The following ABAT variants were observed in gnomAD, a reference collection of about 807,000 sequenced individuals.
ABAT encodes the protein 4-aminobutyrate aminotransferase, mitochondrial.
ABAT carries 45 observed loss-of-function variants against 64.6 expected under a neutral mutation model. The ratio of observed to expected loss-of-function variants is 0.70; its 90% CI spans 0.55 to 0.89. The LOEUF (loss-of-function observed/expected upper bound fraction) is 0.89, where lower values mean the gene tolerates loss of function less well. Among genes scored for constraint, ABAT ranks in the 40% least tolerant of loss-of-function variants. The probability of loss-of-function intolerance (pLI) is 0.00; values close to 1 mark genes in which losing one functional copy is unlikely to be tolerated. For missense variants in ABAT, 633 were observed against 658.4 expected, an observed-to-expected ratio of 0.96 and a Z score of 0.42; for synonymous variants, 297 against 250.5, an observed-to-expected ratio of 1.19 and a Z score of -1.75.
chr16:8,753,730 G>A (rs886844184), intron 5 of ABAT, among the ~76,000 whole-genome samples: 1 of 152,138 alleles, frequency 6.6e-6, no homozygotes, highest in Non-Finnish European at 1.5e-5. Context: ...TTTCAGTCTT[G>A]GGGCCAGCGT....
At chr16:8,779,251 T>G (rs1158972587) in intron 14 of ABAT, among the ~76,000 whole-genome samples, 3 of 151,084 alleles carry the variant, frequency 2.0e-5, no homozygotes, top group African/African-American at 7.3e-5. Flanking sequence ...TTGTTGTTGC[T>G]GGTGGTGGTG....
chr16:8,748,236 T>C, intron 4 of ABAT, 99 bp downstream of exon 4: 3 of 1,169,946 alleles, frequency 2.6e-6, no homozygotes, highest in Non-Finnish European at 2.5e-6. Context: ...TTAAAAAAAA[T>C]GTAGTTGACT....
chr16:8,742,652 C>A (rs773778201), intron 2 of ABAT, among the ~76,000 whole-genome samples: 36 of 152,018 alleles, frequency 2.4e-4, no homozygotes, highest in Non-Finnish European at 4.9e-4. Context: ...ATTGCCTGAG[C>A]TCAGGAGTTC....
rs573212294 is a variant in ABAT, at chr16:8,720,376, G to A, written c.-41-15323G>A. Among the ~76,000 whole-genome samples, 21 of 152,310 alleles carry A rather than the reference G, an allele frequency of 1.4e-4. No homozygotes were observed. The South Asian group carries it at 3.5e-3, about 26-fold the overall frequency. On this transcript the variant is annotated intron_variant, in intron 1 of 15. Transcript: ENST00000268251. Reference sequence around the variant, plus strand: ...TGTTACTTTCCCCACATCATTCTCAGTCTTTCTTAGGAATGGACATTTGCC... The same window carrying A: ...TGTTACTTTCCCCACATCATTCTCAATCTTTCTTAGGAATGGACATTTGCC...
At chr16:8,689,062 A>G (rs547244143) in intron 1 of ABAT, among the ~76,000 whole-genome samples, 1 of 150,680 alleles carries the variant, frequency 6.6e-6, no homozygotes, top group African/African-American at 2.4e-5. Flanking sequence ...CCTGGGTGAT[A>G]GAGTGAGACC....
At chr16:8,752,749 CAGTGCAAG>C (rs1170597748) in intron 5 of ABAT, among the ~76,000 whole-genome samples, 1 of 152,148 alleles carries the variant, frequency 6.6e-6, no homozygotes, top group Non-Finnish European at 1.5e-5. Flanking sequence ...CCTGAGGCAA[CAGTGCAAG>C]ACCCTGTCTC....
intron 1 of ABAT, among the ~76,000 whole-genome samples, chr16:8,710,661 G>C (rs972929842): frequency 7.3e-6 from 1 of 136,508 alleles, no homozygotes; most frequent in African/African-American, 2.6e-5. Context: ...GATCACTTGA[G>C]TCCAGGAGGT....
Position 8,735,775 on chromosome 16 carries a change from C to T in ABAT, c.36C>T (p.Cys12=). ...ASMLLAQRLA[C]SFQHSYRLLV... ...TGTTGCTCGCCCAGCGCCTGGCCTG[C>T]AGCTTCCAGCACAGCTACCGCCTGC... Residue 12 remains cysteine, a synonymous_variant, in exon 2 of 16, where the codon TGC becomes TGT. Coordinates refer to ENST00000268251, the MANE Select transcript of ABAT (RefSeq NM_020686.6). 5 of 1,607,742 alleles carry T rather than the reference C, an allele frequency of 3.1e-6. No individual in the cohort carries two copies. The highest frequency in any genetic ancestry group is 4.2e-6 in the Non-Finnish European group (5 of 1,177,482).
At chr16:8,777,318 T>C (rs1056578448) in intron 14 of ABAT, among the ~76,000 whole-genome samples, 1 of 152,008 alleles carries the variant, frequency 6.6e-6, no homozygotes, top group African/African-American at 2.4e-5. Flanking sequence ...ACCTGTTGCA[T>C]ACTTACCACT....
chr16:8,781,145 TG>T lies in ABAT; in HGVS notation c.1382-161del. On this transcript the variant is annotated intron_variant, in intron 15 of 15. Transcript: ENST00000268251. This position sits in a 1 kb window ranked among gnomAD's most constrained non-coding sequence, Gnocchi z 4.5. ...AGAGAGAAAGGAAATGAAGACTGGA[TG>T]GGTGGGTGGTAGGAAGGAAGCCCGG... 1.0e-6 allele frequency: 1 copy of T among 964,912 alleles called. No homozygotes were observed. Among genetic ancestry groups the T allele is most frequent in the Non-Finnish European group, 1.7e-6 (1 of 598,028 alleles). 59.8% of individuals were successfully genotyped at this position (964,912 alleles called of 1,614,324 possible).
In ABAT at chr16:8,686,107, C is replaced by A. The variant is rs1175388924; in HGVS notation, c.-42+11396C>A. ...CAGCCAAAAGAGCAAGGCACCACCC[C>A]GGCAGGACAGGGCTGTTTTGTGCAC... On this transcript the variant is annotated intron_variant, in intron 1 of 15. Transcript: ENST00000268251. 5.3e-5 allele frequency among the ~76,000 whole-genome samples: 8 copies of A among 152,256 alleles called. No homozygotes were observed. In the East Asian group the frequency reaches 1.5e-3, roughly 29 times the overall value.
At chr16:8,721,113 C>T (rs2058356808) in intron 1 of ABAT, among the ~76,000 whole-genome samples, 1 of 152,138 alleles carries the variant, frequency 6.6e-6, no homozygotes, top group Non-Finnish European at 1.5e-5. Flanking sequence ...GGCACAGAGA[C>T]GTTACTTAAT....
intron 15 of ABAT, chr16:8,780,857 C>G (rs751905064): frequency 6.0e-5 from 21 of 352,442 alleles, no homozygotes; most frequent in Non-Finnish European, 1.1e-4. Flanking sequence ...CAGAGCCTGT[C>G]CCTCCTCCGT....
intron 2 of ABAT, among the ~76,000 whole-genome samples, chr16:8,739,030 G>GT (rs1426606460): frequency 5.9e-5 from 9 of 152,334 alleles, no homozygotes; most frequent in African/African-American, 2.2e-4. Flanking sequence ...AAAGATGTAG[G>GT]TATGGAGGGT....
intron 3 of ABAT, 98 bp from the exon 4 acceptor site, chr16:8,748,010 A>T (rs1276025249): frequency 1.7e-5 from 21 of 1,209,348 alleles, no homozygotes; most frequent in Non-Finnish European, 2.5e-5. Flanking sequence ...TATTGGCAAA[A>T]GAAAAAAATG....
At chr16:8,735,868 G>A in intron 2 of ABAT, 59 bp downstream of exon 2, 1 of 1,470,090 alleles carries the variant, frequency 6.8e-7, no homozygotes, top group Non-Finnish European at 9.3e-7. Context: ...TCCAGACTAG[G>A]GATTCCTGGG....
At chr16:8,738,166 C>G (rs1031172640) in intron 2 of ABAT, among the ~76,000 whole-genome samples, 2 of 151,328 alleles carry the variant, frequency 1.3e-5, no homozygotes, top group Non-Finnish European at 2.9e-5. Flanking sequence ...GTGAAAAATA[C>G]AAAACTTAGC....
intron 2 of ABAT, among the ~76,000 whole-genome samples, chr16:8,742,529 G>C (rs1231517208): frequency 6.6e-6 from 1 of 152,062 alleles, no homozygotes; most frequent in Non-Finnish European, 1.5e-5. Flanking sequence ...ATGCTGTCCA[G>C]TTATCCTGAG....
At chr16:8,698,526 G>T (rs984876845) in intron 1 of ABAT, among the ~76,000 whole-genome samples, 3 of 152,068 alleles carry the variant, frequency 2.0e-5, no homozygotes, top group East Asian at 2.0e-4. Flanking sequence ...TAGAGATGGG[G>T]TTTCACCATG....
Sources: gnomAD v4.1 joint callset for allele counts (sites outside exome capture counted in the v4.1 genomes callset) on GRCh38, gnomAD v4.1.1 for gene constraint, Gnocchi (gnomAD v3.1) non-coding constraint, MANE v1.5 for transcripts, NCBI Gene and HGNC (gene_info 2026-07-23, HGNC 2026-07-21) for gene names.